DYTN: variants seen among roughly 807,000 people sequenced by gnomAD.
DYTN encodes the protein dystrotelin.
In DYTN, 75 loss-of-function variants were observed where a neutral mutation model predicts 69.6. The ratio of observed to expected loss-of-function variants is 1.08; its 90% CI spans 0.89 to 1.31. DYTN has a LOEUF of 1.31. Among genes scored for constraint, DYTN ranks in the 50% most tolerant of loss-of-function variants. DYTN has a pLI of 0.00. For synonymous variants in DYTN, 252 were observed against 249.1 expected (o/e 1.01, Z -0.11); for missense variants, 726 against 688.4 (o/e 1.05, Z -0.61).
intron 11 of DYTN, among the ~76,000 whole-genome samples, chr2:206,653,007 A>G (rs1002977475): frequency 6.6e-6 from 1 of 152,220 alleles, no homozygotes; most frequent in African/African-American, 2.4e-5. Flanking sequence ...TTTACTTTAT[A>G]GCTACATAAT....
intron 2 of DYTN, 117 bp from the exon 3 acceptor site, chr2:206,707,620 T>G (rs1206983892): frequency 1.1e-5 from 11 of 964,964 alleles, no homozygotes; most frequent in Middle Eastern, 2.7e-4. Context: ...GCTATTTTCT[T>G]TTAAGGGGAA....
At chr2:206,668,963 A>C (rs1415191795) in intron 9 of DYTN, among the ~76,000 whole-genome samples, 7 of 152,186 alleles carry the variant, frequency 4.6e-5, no homozygotes, top group Non-Finnish European at 1.5e-5. Context: ...CCATGATTGT[A>C]AGTTTCCTGA....
At chr2:206,659,498 A>C (rs1699485291) in intron 11 of DYTN, among the ~76,000 whole-genome samples, 1 of 150,544 alleles carries the variant, frequency 6.6e-6, no homozygotes, top group African/African-American at 2.4e-5. Context: ...AAAAAAAAAA[A>C]AAAAAAAAAA....
At chr2:206,716,286 T>A (rs1700129741) in intron 1 of DYTN, among the ~76,000 whole-genome samples, 1 of 151,982 alleles carries the variant, frequency 6.6e-6, no homozygotes, top group Admixed American at 6.6e-5. Context: ...ACAGAGGGGA[T>A]TAGAGTGCTG....
At chr2:206,667,101 T>C (rs1006606345) in intron 9 of DYTN, among the ~76,000 whole-genome samples, 8 of 152,038 alleles carry the variant, frequency 5.3e-5, no homozygotes, top group African/African-American at 1.9e-4. Context: ...AAAACAAAAG[T>C]CAAGCTATGT....
intron 8 of DYTN, 21 bp downstream of exon 8, chr2:206,694,745 G>T: frequency 6.4e-7 from 1 of 1,565,710 alleles, no homozygotes; most frequent in Non-Finnish European, 8.7e-7. Flanking sequence ...GAATAGTTTG[G>T]TATGTGACAT....
chr2:206,661,289 T>G (rs1699508619), intron 11 of DYTN, among the ~76,000 whole-genome samples: 1 of 152,212 alleles, frequency 6.6e-6, no homozygotes, highest in African/African-American at 2.4e-5. Context: ...CCCAGCAAAC[T>G]AATACGCCAA....
chr2:206,690,078 T>C (rs1157352092), intron 9 of DYTN, among the ~76,000 whole-genome samples: 1 of 152,006 alleles, frequency 6.6e-6, no homozygotes, highest in African/African-American at 2.4e-5. Flanking sequence ...TGAAGAAAAA[T>C]AGAGCCAGCA....
At chr2:206,670,801 A>G (rs990038325) in intron 9 of DYTN, among the ~76,000 whole-genome samples, 4 of 152,202 alleles carry the variant, frequency 2.6e-5, no homozygotes, top group African/African-American at 9.6e-5. Context: ...AAATAACGTC[A>G]CAATAGTCTT....
chr2:206,666,312 G>A (rs1456439998), intron 9 of DYTN, among the ~76,000 whole-genome samples: 1 of 151,976 alleles, frequency 6.6e-6, no homozygotes, highest in Non-Finnish European at 1.5e-5. Flanking sequence ...CACCATGCCT[G>A]GCTATTGGAA....
intron 1 of DYTN, among the ~76,000 whole-genome samples, chr2:206,711,504 A>G (rs972840022): frequency 1.3e-5 from 2 of 152,214 alleles, no homozygotes; most frequent in African/African-American, 4.8e-5. Flanking sequence ...CACATTTTAA[A>G]TAAGAAAATG....
chr2:206,713,217 T>C (rs1367915149), intron 1 of DYTN, among the ~76,000 whole-genome samples: 2 of 152,236 alleles, frequency 1.3e-5, no homozygotes, highest in Non-Finnish European at 2.9e-5. Flanking sequence ...AACATATACA[T>C]TATGCCACAT....
At chr2:206,697,774 G>T (rs1699936856) in intron 7 of DYTN, among the ~76,000 whole-genome samples, 1 of 152,090 alleles carries the variant, frequency 6.6e-6, no homozygotes, top group Non-Finnish European at 1.5e-5. Context: ...GGGGAAAGAT[G>T]GTTTACATGG....
Position 206,700,104 on chromosome 2 carries a change from G to C in DYTN, c.555+41C>G, listed in dbSNP as rs183801955. 69 of 1,611,546 alleles carry C rather than the reference G, an allele frequency of 4.3e-5. No homozygotes were observed. In the South Asian group the frequency reaches 7.6e-4, roughly 18 times the overall value. ...AGTCAGCAAACTATCCCAATACACCGTGTCTGTCCCCAACTCCAGGGACAT... is the reference window on the plus strand; with the variant it reads ...AGTCAGCAAACTATCCCAATACACCCTGTCTGTCCCCAACTCCAGGGACAT... On this transcript the variant is annotated intron_variant, in intron 6 of 11. Transcript: ENST00000452335.
At chr2:206,662,337 C>G (rs1197417243) in intron 11 of DYTN, among the ~76,000 whole-genome samples, 1 of 152,146 alleles carries the variant, frequency 6.6e-6, no homozygotes, top group South Asian at 2.1e-4. Flanking sequence ...AAGGATCTCT[C>G]TCTACATATG....
At chr2:206,685,215 G>A (rs1190461244) in intron 9 of DYTN, among the ~76,000 whole-genome samples, 2 of 151,952 alleles carry the variant, frequency 1.3e-5, no homozygotes, top group Admixed American at 1.3e-4. Context: ...TGGAGTGAGT[G>A]CAGCAGCGCA....
chr2:206,700,247 G>C (rs1357958780), intron 5 of DYTN, 31 bp from the exon 6 acceptor site: 1 of 1,611,736 alleles, frequency 6.2e-7, no homozygotes, highest in Admixed American at 1.7e-5. Context: ...TTAGCTGTTA[G>C]AAAGTGGAGA....
intron 2 of DYTN, 51 bp downstream of exon 2, chr2:206,710,473 C>T (rs938064419): frequency 1.4e-5 from 22 of 1,525,232 alleles, no homozygotes; most frequent in African/African-American, 8.3e-5. Context: ...AATTTTACAT[C>T]GCACATCAAG....
At chr2:206,709,807 C>T (rs1487830958) in intron 2 of DYTN, among the ~76,000 whole-genome samples, 1 of 152,158 alleles carries the variant, frequency 6.6e-6, no homozygotes, top group Non-Finnish European at 1.5e-5. Flanking sequence ...AGTGAGAAAT[C>T]AATAACTTTA....
Sources: allele counts gnomAD v4.1 joint callset (sites outside exome capture counted in the v4.1 genomes callset), GRCh38; gene constraint gnomAD v4.1.1; transcripts MANE v1.5; gene names NCBI Gene and HGNC (gene_info 2026-07-23, HGNC 2026-07-21).